Variants in CPS1 observed in about 807,000 individuals in gnomAD.
CPS1 encodes the protein carbamoyl-phosphate synthase 1, also known as carbamoyl-phosphate synthase [ammonia], mitochondrial.
CPS1 carries 109 observed loss-of-function variants against 174.6 expected under a neutral mutation model. That is an observed-to-expected ratio of 0.62 (90% CI 0.53 to 0.73). CPS1 has a LOEUF of 0.73. Among genes scored for constraint, CPS1 ranks in the 30% least tolerant of loss-of-function variants. The probability of loss-of-function intolerance (pLI) is 0.00; values close to 1 mark genes in which losing one functional copy is unlikely to be tolerated. For missense variants in CPS1, 1,689 were observed against 1,821.9 expected, an observed-to-expected ratio of 0.93 and a Z score of 1.33; for synonymous variants, 637 against 632.0, an observed-to-expected ratio of 1.01 and a Z score of -0.12.
intron 6 of CPS1, 95 bp from the exon 7 acceptor site, chr2:210,587,963 A>G (rs1357231053): frequency 6.5e-6 from 7 of 1,080,610 alleles, no homozygotes; most frequent in Admixed American, 5.1e-5. Context: ...TCTGTTACCA[A>G]TCTAAGTTCA....
intron 1 of CPS1, among the ~76,000 whole-genome samples, chr2:210,511,119 T>C (rs919305314): frequency 2.0e-5 from 3 of 152,162 alleles, no homozygotes; most frequent in Non-Finnish European, 4.4e-5. Context: ...TAGCAAAGAC[T>C]TGGAACCAAC....
At position 210,604,206 on chromosome 2, in the gene CPS1, T is replaced by C. The variant is rs73984645; in HGVS notation, c.1837-896T>C. Among the ~76,000 whole-genome samples, 174 of 151,906 alleles carry C rather than the reference T, an allele frequency of 1.1e-3. 1 individual carries two copies. Among genetic ancestry groups the C allele is most frequent in the African/African-American group, 4.1e-3 (171 of 41,416 alleles). ...TTGCACGTGCTGGAGCCTGTAGTGA[T>C]GACTGAAGTTTAAAAAAATCCTATT... On this transcript the variant is annotated intron_variant, in intron 16 of 37. Coordinates refer to ENST00000233072, the MANE Select transcript of CPS1 (RefSeq NM_001875.5).
intron 13 of CPS1, 34 bp downstream of exon 13, chr2:210,595,616 G>A: frequency 7.2e-7 from 1 of 1,394,038 alleles, no homozygotes; most frequent in Admixed American, 1.7e-5. Context: ...GAATTAATAT[G>A]CTTCCTTTAA....
intron 33 of CPS1, among the ~76,000 whole-genome samples, chr2:210,666,310 T>C (rs1701094943): frequency 6.7e-6 from 1 of 149,978 alleles, no homozygotes; most frequent in South Asian, 2.2e-4. Flanking sequence ...TCTTTTGCTG[T>C]GCAGAAGCTC....
chr2:210,542,475 C>T (rs1696458558), intron 1 of CPS1, among the ~76,000 whole-genome samples: 1 of 152,098 alleles, frequency 6.6e-6, no homozygotes, highest in Admixed American at 6.6e-5. Flanking sequence ...ACCAAGTAAA[C>T]AAACCTTCAG....
chr2:210,575,049 C>A (rs936172041), intron 2 of CPS1, among the ~76,000 whole-genome samples: 4 of 152,036 alleles, frequency 2.6e-5, no homozygotes, highest in Admixed American at 2.6e-4. Context: ...TGTGGGCAAG[C>A]CTTGGTTAAA....
At chr2:210,507,545 A>T (rs1240380111) in intron 1 of CPS1, among the ~76,000 whole-genome samples, 1 of 151,906 alleles carries the variant, frequency 6.6e-6, no homozygotes, top group Non-Finnish European at 1.5e-5. Context: ...CTTAAATGTA[A>T]ATGGGCTAAA....
chr2:210,560,979 C>G (rs1379592765), intron 1 of CPS1, among the ~76,000 whole-genome samples: 1 of 152,152 alleles, frequency 6.6e-6, no homozygotes, highest in African/African-American at 2.4e-5. Context: ...TGAGCTGTTG[C>G]AGAATTAGTT....
intron 31 of CPS1, among the ~76,000 whole-genome samples, chr2:210,659,849 C>A (rs1700857147): frequency 6.6e-6 from 1 of 152,158 alleles, no homozygotes; most frequent in African/African-American, 2.4e-5. Flanking sequence ...TGTATTTGAG[C>A]ATCCTATGCT....
intron 6 of CPS1, among the ~76,000 whole-genome samples, chr2:210,583,195 T>C (rs1160126260): frequency 6.6e-6 from 1 of 152,192 alleles, no homozygotes; most frequent in East Asian, 1.9e-4. Flanking sequence ...AAAATTAATG[T>C]TCGTAACGAT....
At chr2:210,582,762 T>C (rs1386333366) in intron 6 of CPS1, 53 bp downstream of exon 6, 5 of 1,314,914 alleles carry the variant, frequency 3.8e-6, no homozygotes, top group African/African-American at 1.5e-5. Flanking sequence ...ATTTAGACCT[T>C]CTTGAAATAT....
intron 13 of CPS1, among the ~76,000 whole-genome samples, chr2:210,598,285 C>T (rs1283607807): frequency 6.6e-6 from 1 of 151,874 alleles, no homozygotes; most frequent in Non-Finnish European, 1.5e-5. Context: ...ACCAGTGTCA[C>T]TGTAAAGTAA....
intron 19 of CPS1, among the ~76,000 whole-genome samples, chr2:210,609,776 A>G (rs1699046489): frequency 6.6e-6 from 1 of 151,946 alleles, no homozygotes; most frequent in Non-Finnish European, 1.5e-5. Flanking sequence ...CCCATAACAC[A>G]GATTATAGCC....
At chr2:210,578,258 G>A (rs1697779435) in intron 4 of CPS1, among the ~76,000 whole-genome samples, 1 of 151,908 alleles carries the variant, frequency 6.6e-6, no homozygotes, top group Non-Finnish European at 1.5e-5. Flanking sequence ...ACAGGAGCCT[G>A]CCACCATGCC....
intron 1 of CPS1, among the ~76,000 whole-genome samples, chr2:210,498,114 T>C (rs754176243): frequency 1.2e-4 from 18 of 151,784 alleles, no homozygotes; most frequent in Admixed American, 2.6e-4. Context: ...CCATTCTTAC[T>C]GGTATGAGAT....
chr2:210,559,234 T>A (rs552785089), intron 1 of CPS1, among the ~76,000 whole-genome samples: 2 of 152,182 alleles, frequency 1.3e-5, no homozygotes, highest in African/African-American at 4.8e-5. Context: ...CTTTAAAGGT[T>A]AGTAGCATTA....
chr2:210,642,205 T>C (rs887618509), intron 24 of CPS1, among the ~76,000 whole-genome samples: 4 of 152,216 alleles, frequency 2.6e-5, no homozygotes, highest in Admixed American at 6.5e-5. Flanking sequence ...CCCATTAACA[T>C]TGAAGTTCTA....
At chr2:210,581,421 C>T (rs999922547) in intron 5 of CPS1, among the ~76,000 whole-genome samples, 1 of 152,094 alleles carries the variant, frequency 6.6e-6, no homozygotes, top group African/African-American at 2.4e-5. Flanking sequence ...ATTTCTTTAT[C>T]AGTGATGGTG....
intron 9 of CPS1, among the ~76,000 whole-genome samples, chr2:210,591,295 A>G (rs1698288512): frequency 6.6e-6 from 1 of 151,998 alleles, no homozygotes; most frequent in Non-Finnish European, 1.5e-5. Context: ...AGAACATTGT[A>G]ACATTTTAAG....
Sources: allele counts gnomAD v4.1 joint callset (sites outside exome capture counted in the v4.1 genomes callset), GRCh38; gene constraint gnomAD v4.1.1; transcripts MANE v1.5; gene names NCBI Gene and HGNC (gene_info 2026-07-23, HGNC 2026-07-21).